The following CLASP1 variants were observed in gnomAD, a reference collection of about 807,000 sequenced individuals.
The protein encoded by CLASP1 is CLIP-associating protein 1.
Under a neutral mutation model 192.3 loss-of-function variants are expected in CLASP1, and 38 were observed. That is an observed-to-expected ratio of 0.20 (90% CI 0.15 to 0.26). The LOEUF is 0.26. Ranked by LOEUF, CLASP1 falls within the 10% of genes least tolerant of loss-of-function variation. The pLI is 1.00. For missense variants in CLASP1, 1,433 were observed against 1,932.5 expected, an observed-to-expected ratio of 0.74 and a Z score of 4.85; for synonymous variants, 691 against 712.8, an observed-to-expected ratio of 0.97 and a Z score of 0.49.
intron 8 of CLASP1, among the ~76,000 whole-genome samples, chr2:121,498,631 G>A (rs545650326): frequency 3.9e-4 from 59 of 152,274 alleles, no homozygotes; most frequent in African/African-American, 1.4e-3. Context: ...AAAACCCATA[G>A]AATGGGAGAA....
chr2:121,367,920 T>C, intron 34 of CLASP1, 89 bp from the exon 36 acceptor site: 2 of 1,525,006 alleles, frequency 1.3e-6, no homozygotes, highest in Non-Finnish European at 1.8e-6. Context: ...GGCCAGAGAT[T>C]TTCACTTGAA....
At position 121,539,825 on chromosome 2, in the gene CLASP1, C is replaced by G. The variant is rs115639716; in HGVS notation, c.196-9500G>C. Reference sequence around the variant, plus strand: ...AGGCAAAATATGTGAAGAGGCACTTCACAGAAGATACCAATGGTCAACATT... The same window carrying G: ...AGGCAAAATATGTGAAGAGGCACTTGACAGAAGATACCAATGGTCAACATT... On this transcript the variant is annotated intron_variant, in intron 2 of 39. Transcript: ENST00000263710. Among the ~76,000 whole-genome samples, 1,504 of 152,322 alleles carry G rather than the reference C, an allele frequency of 9.9e-3. 27 individuals are homozygous for G. Among genetic ancestry groups the G allele is most frequent in the African/African-American group, 0.034 (1,399 of 41,564 alleles).
intron 1 of CLASP1, among the ~76,000 whole-genome samples, chr2:121,609,197 T>C (rs2064858285): frequency 6.6e-6 from 1 of 152,206 alleles, no homozygotes; most frequent in Admixed American, 6.5e-5. Context: ...AAGTAAACAC[T>C]AGGAAAGTTC....
At chr2:121,433,015 A>G (rs1343620107) in intron 19 of CLASP1, among the ~76,000 whole-genome samples, 1 of 152,208 alleles carries the variant, frequency 6.6e-6, no homozygotes, top group Non-Finnish European at 1.5e-5. Context: ...CAGAAAGTGT[A>G]TCTGCCAACA....
At chr2:121,586,885 C>T (rs1011960498) in intron 2 of CLASP1, among the ~76,000 whole-genome samples, 2 of 152,146 alleles carry the variant, frequency 1.3e-5, no homozygotes, top group Non-Finnish European at 2.9e-5. Flanking sequence ...AGTAGCATGA[C>T]CAAGCAAGTT....
exon 34 of CLASP1, chr2:121,377,642 C>A (rs2070565051): frequency 3.2e-6 from 5 of 1,569,986 alleles, no homozygotes; most frequent in Non-Finnish European, 4.3e-6. Context: ...GTATCATAGT[C>A]CAGCATGCTA....
chr2:121,643,747 G>C (rs1382759255), intron 1 of CLASP1, among the ~76,000 whole-genome samples: 1 of 152,118 alleles, frequency 6.6e-6, no homozygotes, highest in Non-Finnish European at 1.5e-5. Flanking sequence ...TGCATTGTTT[G>C]AATCTTTTAG....
intron 2 of CLASP1, among the ~76,000 whole-genome samples, chr2:121,572,978 A>G (rs6760214): frequency 0.97 from 147,195 of 152,286 alleles, 71,164 homozygotes; most frequent in East Asian, 1. Context: ...TTTTGTTTTT[A>G]AGATGGAGTC....
At chr2:121,644,966 C>CA (rs74265895) in intron 1 of CLASP1, among the ~76,000 whole-genome samples, 2,823 of 112,512 alleles carry the variant, frequency 0.025, 68 homozygotes, top group African/African-American at 0.071. Flanking sequence ...AAAAAAAAAA[C>CA]AAAAAAAAAA....
intron 9 of CLASP1, among the ~76,000 whole-genome samples, chr2:121,463,849 T>TA (rs2088729443): frequency 6.6e-6 from 1 of 151,784 alleles, no homozygotes. Flanking sequence ...TTTATTTTAT[T>TA]TTATTATTAT....
rs374928719 is a variant in CLASP1 at position 121,639,255 on chromosome 2, C to T, written c.-286+10117G>A. Among the ~76,000 whole-genome samples, 12 of 151,624 alleles carry T rather than the reference C, an allele frequency of 7.9e-5. No homozygotes were observed. The South Asian group carries it at 1.3e-3, about 16-fold the overall frequency. On this transcript the variant is annotated intron_variant, in intron 1 of 39. Coordinates refer to ENST00000263710, the Ensembl canonical transcript of CLASP1. ...TTGCGACACTGCACTCCAGCCTGGG[C>T]GACAGAGCGAGACTCTGTCTCAAAA... is the stretch of plus-strand genomic sequence containing the variant.
chr2:121,544,693 C>A (rs1398252313), intron 2 of CLASP1, among the ~76,000 whole-genome samples: 1 of 151,932 alleles, frequency 6.6e-6, no homozygotes, highest in Non-Finnish European at 1.5e-5. Flanking sequence ...ACTAAACACA[C>A]ACGTACCACA....
At chr2:121,350,461 T>C (rs1211557769) in intron 37 of CLASP1, among the ~76,000 whole-genome samples, 1 of 152,086 alleles carries the variant, frequency 6.6e-6, no homozygotes, top group Admixed American at 6.5e-5. Context: ...CCATATAAAC[T>C]GCTTGGGGTC....
At chr2:121,387,259 C>T in intron 31 of CLASP1, 31 bp from the exon 33 acceptor site, 1 of 1,410,956 alleles carries the variant, frequency 7.1e-7, no homozygotes, top group South Asian at 1.4e-5. Context: ...CATCGTTATT[C>T]AAGGGCTGTA....
At chr2:121,615,131 G>A (rs2066239346) in intron 1 of CLASP1, among the ~76,000 whole-genome samples, 1 of 152,284 alleles carries the variant, frequency 6.6e-6, no homozygotes, top group Middle Eastern at 3.4e-3. Context: ...CCTGAGGTCA[G>A]GAGTTCGAGA....
At chr2:121,512,679 T>C (rs1420338646) in intron 7 of CLASP1, among the ~76,000 whole-genome samples, 1 of 152,178 alleles carries the variant, frequency 6.6e-6, no homozygotes, top group Non-Finnish European at 1.5e-5. Context: ...TCCTCCAAAG[T>C]GAAGCTGGTT....
chr2:121,348,679 T>C (rs764510229), exon 38 of CLASP1: 5 of 1,613,370 alleles, frequency 3.1e-6, no homozygotes, highest in Middle Eastern at 1.6e-4. Flanking sequence ...TGGATGGAAC[T>C]GGCCAGTGTG....
At chr2:121,527,979 G>T in intron 4 of CLASP1, 89 bp from the exon 5 acceptor site, 1 of 996,266 alleles carries the variant, frequency 1.0e-6, no homozygotes, top group South Asian at 1.4e-5. Flanking sequence ...GCCTCTTAAC[G>T]AGCGCCAAAT....
intron 9 of CLASP1, among the ~76,000 whole-genome samples, chr2:121,467,258 T>C (rs1355613865): frequency 2.0e-5 from 3 of 152,232 alleles, no homozygotes; most frequent in African/African-American, 7.2e-5. Context: ...TGAATAGTGC[T>C]GGGATGAACA....
Sources: allele counts gnomAD v4.1 joint callset (sites outside exome capture counted in the v4.1 genomes callset), GRCh38; gene constraint gnomAD v4.1.1; transcripts MANE v1.5; gene names NCBI Gene and HGNC (gene_info 2026-07-23, HGNC 2026-07-21).